The following MAP3K1 variants were observed in gnomAD, a reference collection of about 807,000 sequenced individuals.
MAP3K1 encodes the protein mitogen-activated protein kinase kinase kinase 1.
MAP3K1 carries 36 observed loss-of-function variants against 144.2 expected under a neutral mutation model. The ratio of observed to expected loss-of-function variants is 0.25; its 90% CI spans 0.19 to 0.33. MAP3K1 has a LOEUF of 0.33. MAP3K1 is among the 10% of genes least tolerant of loss of function. MAP3K1 has a pLI of 1.00. For synonymous variants in MAP3K1, 718 were observed against 688.7 expected, an observed-to-expected ratio of 1.04 and a Z score of -0.67; for missense variants, 1,650 against 1,881.9, an observed-to-expected ratio of 0.88 and a Z score of 2.28.
rs540569365 is a variant in MAP3K1, at chr5:56,881,744, C to T, written c.2544C>T (p.His848=). Residue 848 remains histidine, a synonymous_variant, in exon 14 of 20, where the codon CAC becomes CAT. Coordinates refer to ENST00000399503, the MANE Select transcript of MAP3K1 (RefSeq NM_005921.2). ...LEMLSVSSST[H]FTRMRRRLMA... ...TGCTGAGTGTTTCCAGTTCCACTCACTTCACCAGGATGCGTCGCCGTTTGA... is the reference window on the plus strand; with the variant it reads ...TGCTGAGTGTTTCCAGTTCCACTCATTTCACCAGGATGCGTCGCCGTTTGA... The T allele has an allele frequency of 6.2e-7, 1 of 1,614,156 alleles. No homozygotes were observed. Among genetic ancestry groups the T allele is most frequent in the African/African-American group, 1.3e-5 (1 of 75,028 alleles).
intron 10 of MAP3K1, among the ~76,000 whole-genome samples, chr5:56,876,048 G>T (rs1028737892): frequency 6.6e-6 from 1 of 152,008 alleles, no homozygotes; most frequent in Non-Finnish European, 1.5e-5. Flanking sequence ...TTCTTTCATG[G>T]GTGGAATAGA....
chr5:56,879,023 T>C lies in MAP3K1; in HGVS notation c.2009T>C (p.Leu670Ser), dbSNP rs769679652. The change falls in exon 11 of 20, where the codon TTA (leucine) becomes TCA (serine). Residue 670 changes from leucine to serine, a missense_variant. Transcript: ENST00000399503. Reference sequence around the variant, plus strand: ...CTGGTATATACTCCTTGCCACAGTTTAGCGGAAAGAATCAAACTTCAGAGA... The same window carrying C: ...CTGGTATATACTCCTTGCCACAGTTCAGCGGAAAGAATCAAACTTCAGAGA... ...AMLVYTPCHS[L>S]AERIKLQRLL... 9 of 1,613,916 alleles carry C rather than the reference T, an allele frequency of 5.6e-6. No individual in the cohort carries two copies. Among genetic ancestry groups the C allele is most frequent in the Admixed American group, 3.3e-5 (2 of 60,008 alleles).
chr5:56,866,946 G>T (rs1249907787), intron 6 of MAP3K1, among the ~76,000 whole-genome samples: 1 of 152,180 alleles, frequency 6.6e-6, no homozygotes, highest in African/African-American at 2.4e-5. Flanking sequence ...AAGAGGTTAT[G>T]CAGCTCATTT....
intron 2 of MAP3K1, among the ~76,000 whole-genome samples, chr5:56,858,670 A>G (rs189966005): frequency 2.6e-5 from 4 of 152,348 alleles, no homozygotes; most frequent in Middle Eastern, 3.4e-3. Context: ...GTAATACATG[A>G]AATATCACAA....
chr5:56,820,008 C>T (rs1180086939), intron 1 of MAP3K1, among the ~76,000 whole-genome samples: 2 of 152,098 alleles, frequency 1.3e-5, no homozygotes, highest in African/African-American at 4.8e-5. Flanking sequence ...TGAGATTAGT[C>T]AGATACTCTT....
At chr5:56,835,212 A>G in intron 1 of MAP3K1, among the ~76,000 whole-genome samples, 1 of 152,222 alleles carries the variant, frequency 6.6e-6, no homozygotes, top group East Asian at 1.9e-4. Context: ...TCCTCCCTGA[A>G]GAATGCCAGT....
chr5:56,846,184 C>T (rs1275734613), intron 1 of MAP3K1, among the ~76,000 whole-genome samples: 1 of 152,214 alleles, frequency 6.6e-6, no homozygotes, highest in East Asian at 1.9e-4. Flanking sequence ...TACAGAATCA[C>T]CAAACTCATA....
At chr5:56,855,038 G>A (rs1747295473) in intron 1 of MAP3K1, among the ~76,000 whole-genome samples, 1 of 152,122 alleles carries the variant, frequency 6.6e-6, no homozygotes, top group African/African-American at 2.4e-5. Flanking sequence ...TACCAACTGA[G>A]CAGGATGGAC....
In MAP3K1 at chr5:56,881,943, T is replaced by C; in HGVS notation, c.2743T>C (p.Leu915=). The C allele has an allele frequency of 6.2e-7, 1 of 1,614,018 alleles. No homozygotes were observed. Residue 915 remains leucine, a synonymous_variant, in exon 14 of 20, where the codon TTA becomes CTA. Transcript: ENST00000399503. ...TVHLEKTGKG[L]CATKLSASSE... ...CCATTTAGAGAAAACTGGAAAAGGA[T>C]TATGTGCTACAAAATTGAGTGCCAG...
At chr5:56,884,509 TAA>T (rs1459776850) in intron 15 of MAP3K1, among the ~76,000 whole-genome samples, 153 bp from the exon 16 acceptor site, 1 of 152,232 alleles carries the variant, frequency 6.6e-6, no homozygotes, top group Non-Finnish European at 1.5e-5. Context: ...TCTTAGTGTT[TAA>T]AAGAGTTTGA....
At chr5:56,859,455 T>A (rs942616793) in intron 2 of MAP3K1, among the ~76,000 whole-genome samples, 58 of 152,290 alleles carry the variant, frequency 3.8e-4, no homozygotes, top group African/African-American at 1.4e-3. Context: ...TTCTACAGTT[T>A]TGTATGCATT....
chr5:56,871,397 G>A (rs1354582786), intron 6 of MAP3K1, among the ~76,000 whole-genome samples: 1 of 152,054 alleles, frequency 6.6e-6, no homozygotes, highest in African/African-American at 2.4e-5. Flanking sequence ...AAGTCTAGGT[G>A]AAAGATTGTG....
chr5:56,849,149 G>A (rs1256463537), intron 1 of MAP3K1, among the ~76,000 whole-genome samples: 1 of 152,010 alleles, frequency 6.6e-6, no homozygotes, highest in East Asian at 1.9e-4. Flanking sequence ...GGAGTTCAAG[G>A]CCAGCCCGGA....
At chr5:56,830,239 G>A (rs933443214) in intron 1 of MAP3K1, among the ~76,000 whole-genome samples, 3 of 152,082 alleles carry the variant, frequency 2.0e-5, no homozygotes, top group Admixed American at 6.5e-5. Context: ...TTATAATTGT[G>A]AATTTAAAAT....
At position 56,861,780 on chromosome 5, in the gene MAP3K1, G is replaced by A. The variant is rs138333715; in HGVS notation, c.834+1865G>A. 1.2e-3 allele frequency among the ~76,000 whole-genome samples: 180 copies of A among 152,204 alleles called. 1 individual carries two copies. In the East Asian group the frequency reaches 0.027, roughly 23 times the overall value. On this transcript the variant is annotated intron_variant, in intron 3 of 19. Coordinates refer to ENST00000399503, the MANE Select transcript of MAP3K1 (RefSeq NM_005921.2). ...GCAAAAAGATAGGTGGTAAATTCAT[G>A]TGAGAGAGAGACTTCTAGTAGTGGA...
chr5:56,891,786 T>C (rs1748557373), intron 19 of MAP3K1, among the ~76,000 whole-genome samples: 1 of 152,248 alleles, frequency 6.6e-6, no homozygotes, highest in Non-Finnish European at 1.5e-5. Context: ...ATTTCTTAAA[T>C]AGGGAATCAT....
At chr5:56,830,461 A>G (rs1409195915) in intron 1 of MAP3K1, among the ~76,000 whole-genome samples, 2 of 152,016 alleles carry the variant, frequency 1.3e-5, no homozygotes, top group African/African-American at 4.8e-5. Flanking sequence ...TTTCTAAATT[A>G]CTGCCTTTTC....
chr5:56,886,376 C>T (rs1311115632), intron 17 of MAP3K1, among the ~76,000 whole-genome samples: 1 of 152,096 alleles, frequency 6.6e-6, no homozygotes, highest in African/African-American at 2.4e-5. Flanking sequence ...TGCACTCTAG[C>T]CTGGGTGACA....
intron 13 of MAP3K1, 63 bp from the exon 14 acceptor site, chr5:56,881,507 T>TA (rs1748205244): frequency 1.5e-6 from 2 of 1,313,616 alleles, no homozygotes; most frequent in Non-Finnish European, 2.2e-6. Flanking sequence ...TACCATTTTT[T>TA]AAGTTTCCAT....
Sources: allele counts gnomAD v4.1 joint callset (sites outside exome capture counted in the v4.1 genomes callset), GRCh38; gene constraint gnomAD v4.1.1; transcripts MANE v1.5; gene names NCBI Gene and HGNC (gene_info 2026-07-23, HGNC 2026-07-21).